The following UNKL variants were observed in gnomAD, a reference collection of about 807,000 sequenced individuals.
The protein encoded by UNKL is putative E3 ubiquitin-protein ligase UNKL.
In UNKL, 60 loss-of-function variants were observed where a neutral mutation model predicts 78.0. The ratio of observed to expected loss-of-function variants is 0.77; its 90% CI spans 0.63 to 0.95. The LOEUF is 0.95. Among genes scored for constraint, UNKL ranks in the 40% least tolerant of loss-of-function variants. UNKL has a pLI of 0.00. For synonymous variants in UNKL, 608 were observed against 474.8 expected (o/e 1.28, Z -3.65); for missense variants, 1,159 against 1,045.7 (o/e 1.11, Z -1.49).
intron 6 of UNKL, chr16:1,396,954 G>C (rs2032417413): frequency 1.8e-6 from 1 of 560,694 alleles, no homozygotes; most frequent in African/African-American, 1.9e-5. Flanking sequence ...TTCTGTTACA[G>C]GCCAAGTGGA....
chr16:1,413,188 T>C (rs937723783), intron 2 of UNKL, among the ~76,000 whole-genome samples: 10 of 137,858 alleles, frequency 7.3e-5, no homozygotes, highest in South Asian at 2.2e-4. Flanking sequence ...GTGGCTGCAG[T>C]GAGCCGTATC....
chr16:1,410,241 G>C (rs1338960826), intron 2 of UNKL, among the ~76,000 whole-genome samples: 1 of 151,390 alleles, frequency 6.6e-6, no homozygotes, highest in Admixed American at 6.6e-5. Flanking sequence ...ACTCCAGCCT[G>C]GGTGACAAAG....
At chr16:1,371,405 GC>G (rs1272139638) in intron 11 of UNKL, 113 bp downstream of exon 11, 1 of 1,022,170 alleles carries the variant, frequency 9.8e-7, no homozygotes, top group Non-Finnish European at 1.4e-6. Context: ...GTGCAGTGGT[GC>G]AACCTCAGCT....
At chr16:1,385,989 A>G (rs900818344) in intron 9 of UNKL, among the ~76,000 whole-genome samples, 2 of 152,280 alleles carry the variant, frequency 1.3e-5, no homozygotes, top group African/African-American at 4.8e-5. Flanking sequence ...AAAGAGCAAC[A>G]CACAGAGCAG....
rs2037446877 is a variant in UNKL, at chr16:1,399,994, G to A, written c.599-485C>T. Reference sequence around the variant, plus strand: ...TCAGTGTGGGTTCACTGTTGGTAAAGAGCGTACCTCGCAGTGCAGGAGGTG... The same window carrying A: ...TCAGTGTGGGTTCACTGTTGGTAAAAAGCGTACCTCGCAGTGCAGGAGGTG... On this transcript the variant is annotated intron_variant, in intron 4 of 14. Coordinates refer to ENST00000389221, the MANE Select transcript of UNKL (RefSeq NM_001372107.1). The surrounding 1 kb of genome is among the most constrained non-coding windows in gnomAD (Gnocchi z 5.8). Among the ~76,000 whole-genome samples the A allele has an allele frequency of 6.6e-6, 1 of 152,196 alleles. No individual in the cohort carries two copies. Among genetic ancestry groups the A allele is most frequent in the South Asian group, 2.1e-4 (1 of 4,834 alleles).
At chr16:1,398,799 G>A (rs371029591) in intron 5 of UNKL, 24 of 1,544,826 alleles carry the variant, frequency 1.6e-5, no homozygotes, top group African/African-American at 1.4e-4. Context: ...AGCAGGCTGC[G>A]AGGTGCCAAA....
At chr16:1,398,274 C>T (rs1377185698) in intron 5 of UNKL, 1 of 995,384 alleles carries the variant, frequency 1.0e-6, no homozygotes, top group African/African-American at 1.7e-5. Flanking sequence ...GAGACTCTGT[C>T]TCATAAAAAA....
intron 10 of UNKL, among the ~76,000 whole-genome samples, chr16:1,374,255 CCA>C (rs1389205767): frequency 2.0e-5 from 3 of 152,238 alleles, no homozygotes; most frequent in Non-Finnish European, 4.4e-5. Flanking sequence ...CCTTTGGCAT[CCA>C]CTCTCCCATG....
At chr16:1,394,761 A>G (rs2037188293) in intron 6 of UNKL, among the ~76,000 whole-genome samples, 1 of 152,210 alleles carries the variant, frequency 6.6e-6, no homozygotes, top group Non-Finnish European at 1.5e-5. Flanking sequence ...CCAGGCCTCC[A>G]GTGCCCACAC....
chr16:1,366,584 T>C (rs1241758107), intron 14 of UNKL, among the ~76,000 whole-genome samples, 189 bp from the exon 15 acceptor site: 1 of 151,910 alleles, frequency 6.6e-6, no homozygotes, highest in Non-Finnish European at 1.5e-5. Context: ...TCAGGGGGTA[T>C]GCTCTGTCTT....
rs2035842634 is a variant in UNKL at position 1,371,563 on chromosome 16, T to C, written c.1313A>G (p.Glu438Gly). 2 of 1,536,022 alleles carry C rather than the reference T, an allele frequency of 1.3e-6. No homozygotes were observed. Among genetic ancestry groups the C allele is most frequent in the African/African-American group, 1.4e-5 (1 of 73,030 alleles). Residue 438 changes from glutamate to glycine, a missense_variant, in exon 11 of 15, where the codon GAG (glutamate) becomes GGG (glycine). Coordinates refer to ENST00000389221, the MANE Select transcript of UNKL (RefSeq NM_001372107.1). ...HLSNVNIASL[E>G]KDLEEQDGHD... ...GCCGTCTTGCTCTTCCAGGTCCTTC[T>C]CTAGGGATGCAATATTCACATTGCT...
chr16:1,398,419 C>A, intron 5 of UNKL: 1 of 1,036,782 alleles, frequency 9.6e-7, no homozygotes, highest in Non-Finnish European at 1.2e-6. Flanking sequence ...AAATCTCAGA[C>A]ACTAATTTGT....
chr16:1,382,573 G>C (rs2036641955), intron 10 of UNKL, among the ~76,000 whole-genome samples: 1 of 152,164 alleles, frequency 6.6e-6, no homozygotes, highest in Non-Finnish European at 1.5e-5. Context: ...TCTCCGGCAG[G>C]TGCACAACAG....
rs557638553 is a variant in UNKL, at chr16:1,383,346, G to A, written c.1264+1862C>T. On this transcript the variant is annotated intron_variant, in intron 10 of 14. Transcript: ENST00000389221. Reference sequence around the variant, plus strand: ...ACAAAAGAAAAATGTAAAGGCCTGGGCTCAACCCCAAGCAGATGCAGGGAT... The same window carrying A: ...ACAAAAGAAAAATGTAAAGGCCTGGACTCAACCCCAAGCAGATGCAGGGAT... Among the ~76,000 whole-genome samples the A allele has an allele frequency of 9.9e-5, 15 of 152,138 alleles. No homozygotes were observed. In the South Asian group the frequency reaches 2.9e-3, roughly 29 times the overall value.
At chr16:1,374,896 G>C (rs1168329749) in intron 10 of UNKL, among the ~76,000 whole-genome samples, 1 of 152,254 alleles carries the variant, frequency 6.6e-6, no homozygotes, top group South Asian at 2.1e-4. Flanking sequence ...ATAATCAGCA[G>C]GAAAGGCAGG....
At position 1,366,846 on chromosome 16, in the gene UNKL, C is replaced by T. The variant is rs146279538; in HGVS notation, c.2046+246G>A. Among the ~76,000 whole-genome samples the T allele has an allele frequency of 7.0e-3, 1,061 of 151,470 alleles. 10 individuals carry two copies. Among genetic ancestry groups the T allele is most frequent in the Middle Eastern group, 0.065 (19 of 294 alleles). ...GGGCCACGGGGAGCAGTGTGGCATT[C>T]GCTGACAAGAGGGAGGGGTGAAAGG... On this transcript the variant is annotated intron_variant, in intron 14 of 14. Coordinates refer to ENST00000389221, the MANE Select transcript of UNKL (RefSeq NM_001372107.1).
At chr16:1,381,393 G>A (rs1251194211) in intron 10 of UNKL, among the ~76,000 whole-genome samples, 1 of 152,234 alleles carries the variant, frequency 6.6e-6, no homozygotes, top group Non-Finnish European at 1.5e-5. Context: ...GCTGAGGTGG[G>A]CGGATCACCT....
chr16:1,375,773 T>C (rs1596676318), intron 10 of UNKL, among the ~76,000 whole-genome samples: 1 of 152,162 alleles, frequency 6.6e-6, no homozygotes, highest in African/African-American at 2.4e-5. Flanking sequence ...AGGCAGGCCT[T>C]GGGCCAGCCG....
chr16:1,368,097 C>T, intron 12 of UNKL: 1 of 572,368 alleles, frequency 1.7e-6, no homozygotes, highest in Non-Finnish European at 3.1e-6. Context: ...TCTACGCCTT[C>T]CTGGCCACCT....
Sources: gnomAD v4.1 joint callset for allele counts (sites outside exome capture counted in the v4.1 genomes callset) on GRCh38, gnomAD v4.1.1 for gene constraint, Gnocchi (gnomAD v3.1) non-coding constraint, MANE v1.5 for transcripts, NCBI Gene and HGNC (gene_info 2026-07-23, HGNC 2026-07-21) for gene names.